Variants in LAMC1 observed in about 807,000 individuals in gnomAD.
LAMC1 encodes the protein laminin subunit gamma 1.
LAMC1 carries 38 observed loss-of-function variants against 173.6 expected under a neutral mutation model. The ratio of observed to expected loss-of-function variants is 0.22; its 90% CI spans 0.17 to 0.29. The LOEUF is 0.29. Among genes scored for constraint, LAMC1 ranks in the 10% least tolerant of loss-of-function variants. The probability of loss-of-function intolerance (pLI) is 1.00; values close to 1 mark genes in which losing one functional copy is unlikely to be tolerated. For missense variants in LAMC1, 1,824 were observed against 2,051.8 expected, an observed-to-expected ratio of 0.89 and a Z score of 2.14; for synonymous variants, 746 against 749.1, an observed-to-expected ratio of 1.00 and a Z score of 0.07.
intron 9 of LAMC1, 25 bp from the exon 10 acceptor site, chr1:183,117,509 G>T (rs145417821): frequency 4.3e-6 from 7 of 1,612,158 alleles, no homozygotes; most frequent in Non-Finnish European, 5.1e-6. Flanking sequence ...TCACATTCTT[G>T]CCCACCATTG....
At chr1:183,039,340 C>G (rs1221138215) in intron 1 of LAMC1, among the ~76,000 whole-genome samples, 1 of 152,158 alleles carries the variant, frequency 6.6e-6, no homozygotes, top group East Asian at 1.9e-4. Context: ...ATTGCCCCTT[C>G]TTGGGTAAAG....
intron 1 of LAMC1, among the ~76,000 whole-genome samples, chr1:183,074,117 A>T (rs141619034): frequency 0.021 from 3,160 of 152,350 alleles, 58 homozygotes; most frequent in South Asian, 0.079. Context: ...GTTCTAAAAA[A>T]ATGAAATTAT....
intron 1 of LAMC1, among the ~76,000 whole-genome samples, chr1:183,058,137 A>T (rs2102029333): frequency 6.6e-6 from 1 of 152,314 alleles, no homozygotes; most frequent in South Asian, 2.1e-4. Flanking sequence ...TCTATTGGCT[A>T]CTTCATTTCT....
chr1:183,051,764 A>G (rs559971755), intron 1 of LAMC1, among the ~76,000 whole-genome samples: 3 of 152,340 alleles, frequency 2.0e-5, no homozygotes, highest in African/African-American at 7.2e-5. Flanking sequence ...GAGAGGAGCC[A>G]GAAATATCCC....
chr1:183,091,496 C>T (rs1655565006), intron 1 of LAMC1, among the ~76,000 whole-genome samples: 1 of 152,044 alleles, frequency 6.6e-6, no homozygotes, highest in African/African-American at 2.4e-5. Flanking sequence ...CTCTGCCCTT[C>T]CTCTTCCTCC....
intron 1 of LAMC1, among the ~76,000 whole-genome samples, chr1:183,066,433 G>C (rs747024069): frequency 6.6e-6 from 1 of 152,190 alleles, no homozygotes; most frequent in Admixed American, 6.5e-5. Flanking sequence ...AATACCATTT[G>C]ACTCAGCAAT....
intron 19 of LAMC1, among the ~76,000 whole-genome samples, chr1:183,131,070 A>G (rs765503190): frequency 2.0e-5 from 3 of 150,660 alleles, no homozygotes; most frequent in African/African-American, 4.9e-5. Context: ...GCTACTTGGG[A>G]GGCTAAGGCA....
chr1:183,125,334 T>G lies in LAMC1; in HGVS notation c.2648-63T>G, dbSNP rs1163931098. 5.8e-6 allele frequency: 9 copies of G among 1,559,080 alleles called. No homozygotes were observed. The East Asian group carries it at 1.3e-4, about 23-fold the overall frequency. On this transcript the variant is annotated intron_variant, in intron 14 of 27. Coordinates refer to ENST00000258341, the MANE Select transcript of LAMC1 (RefSeq NM_002293.4). ...GGTCTAAAGAATCTCTTTAGGTTGT[T>G]TATATTTTAGTATTTCTCTCAGGTG...
chr1:183,048,739 T>C (rs960843464), intron 1 of LAMC1, among the ~76,000 whole-genome samples: 33 of 152,198 alleles, frequency 2.2e-4, no homozygotes, highest in South Asian at 1.0e-3. Flanking sequence ...ATATTTGTTA[T>C]AGTATTGGGG....
intron 4 of LAMC1, among the ~76,000 whole-genome samples, chr1:183,112,039 A>G (rs1018801288): frequency 6.6e-6 from 1 of 152,190 alleles, no homozygotes; most frequent in Non-Finnish European, 1.5e-5. Flanking sequence ...ACTCCGTCTC[A>G]AAAAACAAAA....
In LAMC1 at chr1:183,133,306, A is replaced by G. The variant is rs575621169; in HGVS notation, c.3705-100A>G. The G allele has an allele frequency of 2.1e-6, 2 of 944,816 alleles. 1 individual carries two copies. The highest frequency in any genetic ancestry group is 3.3e-5 in the African/African-American group (2 of 60,024). The allele number at this position is 944,816 out of a possible 1,614,324, so 58.5% of individuals were successfully genotyped here. On this transcript the variant is annotated intron_variant, in intron 21 of 27. Transcript: ENST00000258341. ...GCATTTTAATGTAGCATTTCCTTTGAGGTTTTGGGCGTATTATCACATGAT... is the reference window on the plus strand; with the variant it reads ...GCATTTTAATGTAGCATTTCCTTTGGGGTTTTGGGCGTATTATCACATGAT...
At chr1:183,119,594 G>A (rs1263928461) in intron 11 of LAMC1, among the ~76,000 whole-genome samples, 5 of 152,152 alleles carry the variant, frequency 3.3e-5, no homozygotes, top group Non-Finnish European at 7.3e-5. Flanking sequence ...AATTAGCACA[G>A]TATGGTGGTG....
chr1:183,072,848 C>T (rs1442276588), intron 1 of LAMC1, among the ~76,000 whole-genome samples: 1 of 152,206 alleles, frequency 6.6e-6, no homozygotes, highest in East Asian at 1.9e-4. Flanking sequence ...AGGTTGCGTG[C>T]TCTTTATGAG....
At chr1:183,106,819 A>T (rs1655988705) in intron 2 of LAMC1, among the ~76,000 whole-genome samples, 1 of 152,132 alleles carries the variant, frequency 6.6e-6, no homozygotes, top group African/African-American at 2.4e-5. Context: ...CTTGACCAGG[A>T]TTTACACCAC....
In LAMC1 at chr1:183,125,458, G is replaced by A. The variant is rs373706219; in HGVS notation, c.2709G>A (p.Gly903=). ...KQQSSCNPVT[G]QCECLPHVTG... is the part of the protein sequence containing the mutation. ...AGAGCAGCTGTAACCCCGTGACGGG[G>A]CAGTGTGAATGTTTGCCTCACGTGA... The change falls in exon 15 of 28, where the codon GGG becomes GGA. Residue 903 remains glycine (G), a synonymous_variant. Coordinates refer to ENST00000258341, the MANE Select transcript of LAMC1 (RefSeq NM_002293.4). The A allele has an allele frequency of 3.7e-6, 6 of 1,614,056 alleles. No homozygotes were observed. Among genetic ancestry groups the A allele is most frequent in the South Asian group, 1.1e-5 (1 of 91,082 alleles).
At position 183,133,453 on chromosome 1, in the gene LAMC1, C is replaced by T; in HGVS notation, c.3752C>T (p.Ala1251Val). Reference sequence around the variant, plus strand: ...TCACAGGATCTGGAAAAACAAGCTGCCCGAGTACATGAGGAGGCCAAAAGG... The same window carrying T: ...TCACAGGATCTGGAAAAACAAGCTGTCCGAGTACATGAGGAGGCCAAAAGG... ...NISQDLEKQAARVHEEAKRAG... is the reference protein window; with the variant it reads ...NISQDLEKQAVRVHEEAKRAG... The change falls in exon 22 of 28, where the codon GCC becomes GTC. Residue 1251 changes from alanine to valine, a missense_variant. Transcript: ENST00000258341. The T allele has an allele frequency of 6.2e-7, 1 of 1,613,994 alleles. No homozygotes were observed.
chr1:183,045,122 GT>G (rs35424233), intron 1 of LAMC1, among the ~76,000 whole-genome samples: 38 of 140,416 alleles, frequency 2.7e-4, no homozygotes, highest in South Asian at 9.2e-4. Flanking sequence ...TTCTCAGTAG[GT>G]TTTTTTTTTT....
Position 183,136,579 on chromosome 1 carries a change from C to G in LAMC1, c.4308C>G (p.Val1436=), listed in dbSNP as rs200104057. 3.8e-6 allele frequency: 6 copies of G among 1,599,782 alleles called. 1 individual carries two copies. Among genetic ancestry groups the G allele is most frequent in the African/African-American group, 2.7e-5 (2 of 74,872 alleles). Residue 1436 remains valine, a synonymous_variant, in exon 25 of 28, where the codon GTC becomes GTG. Transcript: ENST00000258341. ...AHEAERIASA[V]QKNATSTKAE... ...AGGCGGAGAGGATCGCGAGCGCTGT[C>G]CAAAAGGTGTGCGTTTCCTCTTCTC...
In LAMC1 at chr1:183,122,270, T is replaced by C. The variant is rs1558055426; in HGVS notation, c.2401+19T>C. 1 of 1,611,552 alleles carries C rather than the reference T, an allele frequency of 6.2e-7. No homozygotes were observed. Among genetic ancestry groups the C allele is most frequent in the Admixed American group, 1.7e-5 (1 of 59,880 alleles). ...ACCACTGGTAAGTCTGCTCGCTTCA[T>C]CTGCTTTCAGTGTTCCCTTCTATAA... On this transcript the variant is annotated intron_variant, in intron 13 of 27. Transcript: ENST00000258341.
Sources: allele counts gnomAD v4.1 joint callset (sites outside exome capture counted in the v4.1 genomes callset), GRCh38; gene constraint gnomAD v4.1.1; transcripts MANE v1.5; gene names NCBI Gene and HGNC (gene_info 2026-07-23, HGNC 2026-07-21).